The following MTRR variants were observed in gnomAD, a reference collection of about 807,000 sequenced individuals.
MTRR encodes 5-methyltetrahydrofolate-homocysteine methyltransferase reductase, also known as methionine synthase reductase.
Under a neutral mutation model 79.2 loss-of-function variants are expected in MTRR, and 63 were observed. The observed-to-expected ratio is 0.80, with a 90% CI of 0.65 to 0.98. MTRR has a LOEUF of 0.98. Among genes scored for constraint, MTRR ranks in the 50% least tolerant of loss-of-function variants. The pLI is 0.00. For synonymous variants in MTRR, 355 were observed against 313.3 expected (o/e 1.13, Z -1.41); for missense variants, 895 against 839.6 (o/e 1.07, Z -0.82).
In MTRR at chr5:7,900,226, T is replaced by G. The variant is rs1739266675; in HGVS notation, c.*168T>G. The G allele has an allele frequency of 5.1e-6, 4 of 787,626 alleles. No homozygotes were observed. The highest frequency in any genetic ancestry group is 5.9e-6 in the Non-Finnish European group (3 of 505,788). 48.8% of individuals were successfully genotyped at this position (787,626 alleles called of 1,614,324 possible). A position where few individuals can be genotyped will look rare whatever the true frequency, so the allele number is the denominator to read the frequency against. On this transcript the variant is annotated 3_prime_UTR_variant, in exon 15 of 15. Coordinates refer to ENST00000440940, the MANE Select transcript of MTRR (RefSeq NM_002454.3). ...TTAACAATATAACAAAACTTCCTGA[T>G]TTGATTTTACGTATCTTCTATCTAC...
At chr5:7,867,235 A>C (rs775458114), upstream of MTRR, 9 of 1,613,924 alleles carry the variant, frequency 5.6e-6, no homozygotes, top group Admixed American at 1.7e-5. Context: ...TTGATAGGGA[A>C]AAGTTGTTTA....
At chr5:7,870,561 A>T in intron 1 of MTRR, 1 of 564,048 alleles carries the variant, frequency 1.8e-6, no homozygotes, top group South Asian at 2.0e-5. Context: ...TGAGCCATGG[A>T]ATTAGAGTTT....
At chr5:7,875,940 A>G (rs1364006378) in intron 4 of MTRR, among the ~76,000 whole-genome samples, 1 of 152,174 alleles carries the variant, frequency 6.6e-6, no homozygotes, top group Non-Finnish European at 1.5e-5. Flanking sequence ...TATTTCACCC[A>G]TTGTGCCACC....
At chr5:7,881,670 T>C (rs983567223) in intron 5 of MTRR, among the ~76,000 whole-genome samples, 3 of 152,180 alleles carry the variant, frequency 2.0e-5, no homozygotes, top group Non-Finnish European at 2.9e-5. Context: ...TGTGTCTTTC[T>C]AAGCTCCTGA....
At chr5:7,871,126 C>T (rs890076874) in intron 2 of MTRR, among the ~76,000 whole-genome samples, 1 of 134,860 alleles carries the variant, frequency 7.4e-6, no homozygotes, top group African/African-American at 3.1e-5. Flanking sequence ...TAAATGGTCT[C>T]AAAAATTGAA....
At chr5:7,877,435 C>T (rs1411453832) in intron 4 of MTRR, among the ~76,000 whole-genome samples, 3 of 147,442 alleles carry the variant, frequency 2.0e-5, no homozygotes, top group Non-Finnish European at 4.4e-5. Flanking sequence ...TGGCATTAAT[C>T]CATAGTGATT....
In MTRR at chr5:7,892,346, G is replaced by A. The variant is rs185000000; in HGVS notation, c.1371-381G>A. The stretch of plus-strand genomic sequence containing the variant: ...GGGTGTATACTTCAGTCACTTTCAA[G>A]TTTTATGATCTTACCAGTAGATAAT... On this transcript the variant is annotated intron_variant, in intron 10 of 14. Coordinates refer to ENST00000440940, the MANE Select transcript of MTRR (RefSeq NM_002454.3). 1.2e-3 allele frequency among the ~76,000 whole-genome samples: 188 copies of A among 152,250 alleles called. 1 individual carries two copies. The Middle Eastern group carries it at 0.014, about 11-fold the overall frequency.
At position 7,889,378 on chromosome 5, in the gene MTRR, G is replaced by A. The variant is rs1737172587; in HGVS notation, c.1327+103G>A. On this transcript the variant is annotated intron_variant, in intron 9 of 14. Transcript: ENST00000440940. ...ATTTGCTGCTCTTGTCTTACCCTTTGTATCCTATGCCTAAAGAATATATCT... is the reference window on the plus strand; with the variant it reads ...ATTTGCTGCTCTTGTCTTACCCTTTATATCCTATGCCTAAAGAATATATCT... 8.3e-6 allele frequency: 10 copies of A among 1,210,378 alleles called. No homozygotes were observed. The South Asian group carries it at 1.1e-4, about 14-fold the overall frequency. 75.0% of individuals were successfully genotyped at this position (1,210,378 alleles called of 1,614,324 possible).
At chr5:7,886,499 T>C in intron 7 of MTRR, 116 bp from the exon 8 acceptor site, 2 of 821,524 alleles carry the variant, frequency 2.4e-6, no homozygotes, top group Middle Eastern at 2.2e-4. Flanking sequence ...CCACAAGTCA[T>C]GTTGCACTTT....
In MTRR at chr5:7,889,230, C is replaced by T. The variant is rs1224801855; in HGVS notation, c.1282C>T (p.Leu428Phe). 6.2e-7 allele frequency: 1 copy of T among 1,613,326 alleles called. No homozygotes were observed. Among genetic ancestry groups the T allele is most frequent in the Non-Finnish European group, 8.5e-7 (1 of 1,180,028 alleles). ...TGCCTGTGCCTGCTTGTTGGATCTC[C>T]TCCTCGCTTTCCCTTCTTGCCAGCC... ...RDACACLLDL[L>F]LAFPSCQPPL... The change falls in exon 9 of 15, where the codon CTC (leucine) becomes TTC (phenylalanine). Residue 428 changes from leucine to phenylalanine, a missense_variant. Physicochemically the swap from Leu to Phe is conservative, Grantham distance 22 (BLOSUM62 0). Coordinates refer to ENST00000440940, the MANE Select transcript of MTRR (RefSeq NM_002454.3).
intron 1 of MTRR, among the ~76,000 whole-genome samples, chr5:7,853,926 C>T (rs979848785): frequency 4.6e-5 from 7 of 152,044 alleles, no homozygotes; most frequent in African/African-American, 1.7e-4. Context: ...ACGGAATGGT[C>T]CACCAGAGAT....
intron 7 of MTRR, 92 bp downstream of exon 7, chr5:7,885,946 G>T: frequency 1.3e-6 from 2 of 1,550,008 alleles, no homozygotes; most frequent in South Asian, 2.2e-5. Context: ...AGGGTCCTGT[G>T]TGTTGGCCGC....
upstream of MTRR, among the ~76,000 whole-genome samples, chr5:7,865,329 T>A (rs573241368): frequency 1.4e-3 from 210 of 152,284 alleles, 2 homozygotes; most frequent in Non-Finnish European, 2.4e-3. Context: ...CTCTAAACTA[T>A]GATTCAGAGT....
intron 1 of MTRR, chr5:7,861,675 A>AT (rs777141210): frequency 1.2e-6 from 2 of 1,601,806 alleles, no homozygotes. Context: ...GAAAGGAAAA[A>AT]TTCCTCGTGT....
chr5:7,884,308 C>A (rs1199449629), intron 6 of MTRR, among the ~76,000 whole-genome samples: 1 of 152,162 alleles, frequency 6.6e-6, no homozygotes, highest in African/African-American at 2.4e-5. Context: ...TTAGTATCTT[C>A]GAAGGATTTG....
chr5:7,862,767 C>T, intron 2 of MTRR: 1 of 1,466,194 alleles, frequency 6.8e-7, no homozygotes, highest in South Asian at 1.2e-5. Context: ...CCATATATCT[C>T]CAAAATCGAA....
At chr5:7,864,432 C>T (rs1229343936), upstream of MTRR, among the ~76,000 whole-genome samples, 2 of 151,840 alleles carry the variant, frequency 1.3e-5, no homozygotes, top group Non-Finnish European at 2.9e-5. Context: ...AAGACAGATT[C>T]GACTACAGAA....
chr5:7,876,797 T>C (rs1734629161), intron 4 of MTRR, among the ~76,000 whole-genome samples: 2 of 152,110 alleles, frequency 1.3e-5, no homozygotes, highest in African/African-American at 4.8e-5. Context: ...CGTAGGAGGG[T>C]CAAACGGATT....
rs758079863 is a variant in MTRR, at chr5:7,891,356, TTTTA to T, written c.1328-12_1328-9del. On this transcript the variant is annotated splice_polypyrimidine_tract_variant and intron_variant, in intron 9 of 14. Coordinates refer to ENST00000440940, the MANE Select transcript of MTRR (RefSeq NM_002454.3). ...TAGTAGTGAATTAATAATTGCTTGT[TTTTA>T]TTTTTTTCTAGAACATCTTCCTAAA... The T allele has an allele frequency of 6.3e-7, 1 of 1,591,062 alleles. No individual in the cohort carries two copies. The highest frequency in any genetic ancestry group is 2.2e-5 in the East Asian group (1 of 44,582).
Sources: gnomAD v4.1 joint callset for allele counts (sites outside exome capture counted in the v4.1 genomes callset) on GRCh38, gnomAD v4.1.1 for gene constraint, MANE v1.5 for transcripts, NCBI Gene and HGNC (gene_info 2026-07-23, HGNC 2026-07-21) for gene names.